SOHLH2: variants seen among roughly 807,000 people sequenced by gnomAD.
SOHLH2 encodes the protein spermatogenesis and oogenesis specific basic helix-loop-helix 2.
Under a neutral mutation model 50.4 loss-of-function variants are expected in SOHLH2, and 22 were observed. That is an observed-to-expected ratio of 0.44 (90% CI 0.31 to 0.62). The LOEUF is 0.62. Among genes scored for constraint, SOHLH2 ranks in the 20% least tolerant of loss-of-function variants. The pLI is 0.08. For missense variants in SOHLH2, 412 were observed against 504.4 expected, an observed-to-expected ratio of 0.82 and a Z score of 1.76; for synonymous variants, 185 against 187.3, an observed-to-expected ratio of 0.99 and a Z score of 0.10.
At chr13:36,195,617 G>A (rs1457066393) in intron 2 of SOHLH2, among the ~76,000 whole-genome samples, 1 of 152,184 alleles carries the variant, frequency 6.6e-6, no homozygotes. Flanking sequence ...TGCGCTGATA[G>A]GGGTGACACA....
chr13:36,195,343 A>G (rs954666324), intron 2 of SOHLH2, among the ~76,000 whole-genome samples: 3 of 152,154 alleles, frequency 2.0e-5, no homozygotes, highest in Non-Finnish European at 4.4e-5. Context: ...CAGCATATGC[A>G]GGAGCCCTGG....
chr13:36,175,243 A>G (rs1887068881), intron 6 of SOHLH2, among the ~76,000 whole-genome samples: 1 of 152,258 alleles, frequency 6.6e-6, no homozygotes, highest in Admixed American at 6.5e-5. Flanking sequence ...CCCTCCGAGC[A>G]GAGAATTGTA....
At chr13:36,203,618 A>T (rs1868561588) in intron 1 of SOHLH2, among the ~76,000 whole-genome samples, 1 of 152,206 alleles carries the variant, frequency 6.6e-6, no homozygotes, top group East Asian at 1.9e-4. Context: ...GGATACAAAA[A>T]TTTATATCCC....
rs1229884029 is a variant in SOHLH2 at position 36,184,460 on chromosome 13, C to CTTTTTTTTTTTTTTTTTTTTTTTTTT, written c.641+5485_641+5486insAAAAAAAAAAAAAAAAAAAAAAAAAA. 2.0e-3 allele frequency among the ~76,000 whole-genome samples: 247 copies of CTTTTTTTTTTTTTTTTTTTTTTTTTT among 121,096 alleles called. 21 individuals are homozygous for CTTTTTTTTTTTTTTTTTTTTTTTTTT. Among genetic ancestry groups the CTTTTTTTTTTTTTTTTTTTTTTTTTT allele is most frequent in the East Asian group, 4.1e-3 (18 of 4,354 alleles). The allele number at this position is 121,096 out of a possible 152,430, so 79.4% of individuals were successfully genotyped here. ...GATGGAAGTTTCTACCTACAAAGAC[C>CTTTTTTTTTTTTTTTTTTTTTTTTTT]TTTTTTTTTTTTTTTTTTTGAGACG... is the stretch of plus-strand genomic sequence containing the variant. On this transcript the variant is annotated intron_variant, in intron 6 of 10. Coordinates refer to ENST00000379881, the MANE Select transcript of SOHLH2 (RefSeq NM_017826.3).
chr13:36,182,176 C>T (rs1887275894), intron 6 of SOHLH2: 1 of 985,322 alleles, frequency 1.0e-6, no homozygotes, highest in South Asian at 4.7e-5. Flanking sequence ...TGGGGAAATG[C>T]AGGAGCAAAA....
chr13:36,188,122 A>C (rs1409716965), intron 6 of SOHLH2, among the ~76,000 whole-genome samples: 1 of 152,188 alleles, frequency 6.6e-6, no homozygotes, highest in Non-Finnish European at 1.5e-5. Context: ...ATGCTGGCAA[A>C]AGTCCAGATA....
intron 2 of SOHLH2, among the ~76,000 whole-genome samples, chr13:36,196,334 C>A (rs1334915894): frequency 6.6e-6 from 1 of 151,928 alleles, no homozygotes; most frequent in Non-Finnish European, 1.5e-5. Context: ...CTATGTTGCC[C>A]AGGCTGGTCT....
chr13:36,194,521 C>G (rs1001948385), intron 2 of SOHLH2, among the ~76,000 whole-genome samples: 9 of 152,116 alleles, frequency 5.9e-5, no homozygotes, highest in Non-Finnish European at 1.3e-4. Flanking sequence ...TAGGGAGAAA[C>G]ATGATGAGCC....
chr13:36,170,903 T>G, intron 9 of SOHLH2, 116 bp from the exon 10 acceptor site: 1 of 1,457,432 alleles, frequency 6.9e-7, no homozygotes, highest in South Asian at 1.4e-5. Context: ...AAATCTGTAC[T>G]ACCTGCTACA....
chr13:36,199,973 A>C (rs1025130876), intron 2 of SOHLH2, among the ~76,000 whole-genome samples: 2 of 152,194 alleles, frequency 1.3e-5, no homozygotes, highest in Non-Finnish European at 2.9e-5. Flanking sequence ...ACTGAACCTC[A>C]CAGGTGAAAA....
intron 6 of SOHLH2, among the ~76,000 whole-genome samples, chr13:36,189,594 T>C (rs936992086): frequency 6.6e-6 from 1 of 152,216 alleles, no homozygotes; most frequent in Non-Finnish European, 1.5e-5. Flanking sequence ...TACTCTGTCT[T>C]AGAAAACTTT....
At chr13:36,192,746 A>T (rs1191301121) in intron 4 of SOHLH2, among the ~76,000 whole-genome samples, 1 of 152,228 alleles carries the variant, frequency 6.6e-6, no homozygotes, top group Admixed American at 6.5e-5. Context: ...GTTAATTGAC[A>T]TATCTATCAC....
chr13:36,169,981 G>A (rs1162098367), intron 10 of SOHLH2, among the ~76,000 whole-genome samples: 2 of 152,164 alleles, frequency 1.3e-5, no homozygotes, highest in East Asian at 3.8e-4. Context: ...GGCAGGGATC[G>A]TGTCTACCTT....
At chr13:36,173,634 G>T in intron 9 of SOHLH2, 58 bp downstream of exon 9, 1 of 1,599,504 alleles carries the variant, frequency 6.3e-7, no homozygotes, top group Non-Finnish European at 8.5e-7. Flanking sequence ...GGAGCCTGGG[G>T]GTTTGCAGGG....
chr13:36,187,272 A>G (rs1887447557), intron 6 of SOHLH2, among the ~76,000 whole-genome samples: 1 of 152,324 alleles, frequency 6.6e-6, no homozygotes, highest in South Asian at 2.1e-4. Context: ...GATTCCCACC[A>G]TTAGATCTGG....
At chr13:36,201,082 G>GAA (rs1868388852) in intron 2 of SOHLH2, among the ~76,000 whole-genome samples, 1 of 131,370 alleles carries the variant, frequency 7.6e-6, no homozygotes. Flanking sequence ...GAAAAGAAAA[G>GAA]AAGCAGAACT....
At chr13:36,193,092 T>C (rs192649248) in intron 4 of SOHLH2, among the ~76,000 whole-genome samples, 4 of 152,356 alleles carry the variant, frequency 2.6e-5, no homozygotes, top group African/African-American at 9.6e-5. Context: ...TTAAAGTGTT[T>C]AGATACTGGT....
chr13:36,168,733 G>A lies in SOHLH2; in HGVS notation c.*301C>T, dbSNP rs1037309303. 9.9e-6 allele frequency: 4 copies of A among 403,488 alleles called. No homozygotes were observed. Among genetic ancestry groups the A allele is most frequent in the Non-Finnish European group, 1.8e-5 (4 of 228,146 alleles). 25.0% of individuals were successfully genotyped at this position (403,488 alleles called of 1,614,324 possible). A position where few individuals can be genotyped will look rare whatever the true frequency, so the allele number is the denominator to read the frequency against. Reference sequence around the variant, plus strand: ...TTATAGCATGCTTTTTTCATAAATTGTGGAATATTTTTTGAGAAAAGAGAG... The same window carrying A: ...TTATAGCATGCTTTTTTCATAAATTATGGAATATTTTTTGAGAAAAGAGAG... On this transcript the variant is annotated 3_prime_UTR_variant, in exon 11 of 11. Coordinates refer to ENST00000379881, the MANE Select transcript of SOHLH2 (RefSeq NM_017826.3).
At chr13:36,194,190 GGGGAA>G (rs1887656528) in intron 2 of SOHLH2, among the ~76,000 whole-genome samples, 1 of 151,712 alleles carries the variant, frequency 6.6e-6, no homozygotes, top group Admixed American at 6.6e-5. Context: ...TCTAGAATGG[GGGGAA>G]TTCTGTAAGA....
Sources: gnomAD v4.1 joint callset for allele counts (sites outside exome capture counted in the v4.1 genomes callset) on GRCh38, gnomAD v4.1.1 for gene constraint, MANE v1.5 for transcripts, NCBI Gene and HGNC (gene_info 2026-07-23, HGNC 2026-07-21) for gene names.